The following SYT9 variants were observed in gnomAD, a reference collection of about 807,000 sequenced individuals.
SYT9 encodes synaptotagmin-9.
SYT9 carries 22 observed loss-of-function variants against 48.4 expected under a neutral mutation model. The observed-to-expected ratio is 0.45, with a 90% CI of 0.32 to 0.65. The LOEUF (loss-of-function observed/expected upper bound fraction) is 0.65. Ranked by LOEUF, SYT9 falls within the 30% of genes least tolerant of loss-of-function variation. The probability of loss-of-function intolerance (pLI) is 0.03; values close to 1 mark genes in which losing one functional copy is unlikely to be tolerated. For missense variants in SYT9, 577 were observed against 622.0 expected (o/e 0.93, Z 0.77); for synonymous variants, 265 against 245.0 (o/e 1.08, Z -0.76).
At chr11:7,251,099 G>GACACACACACACACAC (rs369736479), upstream of SYT9, among the ~76,000 whole-genome samples, 706 of 131,978 alleles carry the variant, frequency 5.3e-3, 1 homozygote, top group East Asian at 9.1e-3. Flanking sequence ...GTGGCACAGT[G>GACACACACACACACAC]ACACACACAC....
chr11:7,468,486 A>G lies in SYT9; in HGVS notation c.*1686A>G. 1 of 395,010 alleles carries G rather than the reference A, an allele frequency of 2.5e-6. No homozygotes were observed. Among genetic ancestry groups the G allele is most frequent in the Non-Finnish European group, 4.5e-6 (1 of 224,164 alleles). 24.5% of individuals were successfully genotyped at this position (395,010 alleles called of 1,614,324 possible). A position where few individuals can be genotyped will look rare whatever the true frequency, so the allele number is the denominator to read the frequency against. On this transcript the variant is annotated 3_prime_UTR_variant, in exon 7 of 7. Transcript: ENST00000318881. Reference sequence around the variant, plus strand: ...AGGAAAACTTGGCTTCCTCTGCTCAAGGTTCCCCTCTGCTCATCCCTCCTC... The same window carrying G: ...AGGAAAACTTGGCTTCCTCTGCTCAGGGTTCCCCTCTGCTCATCCCTCCTC...
intron 1 of SYT9, among the ~76,000 whole-genome samples, chr11:7,298,607 A>C (rs142555637): frequency 1.1e-3 from 166 of 151,928 alleles, no homozygotes; most frequent in Middle Eastern, 3.4e-3. Context: ...ATGTGGGCTT[A>C]AATTTTTTAC....
At chr11:7,344,491 A>C (rs1564870154) in intron 3 of SYT9, among the ~76,000 whole-genome samples, 1 of 150,938 alleles carries the variant, frequency 6.6e-6, no homozygotes, top group Admixed American at 6.6e-5. Context: ...TTTATACAGT[A>C]TTTTTTTTTA....
rs779387285 is a variant in SYT9, at chr11:7,418,110, C to T, written c.1319C>T (p.Ala440Val). The T allele has an allele frequency of 9.9e-6, 16 of 1,613,750 alleles. No individual in the cohort carries two copies. The highest frequency in any genetic ancestry group is 1.3e-5 in the Non-Finnish European group (15 of 1,179,930). ...ENIDQIHLSI[A>V]VMDYDRVGHN... is the part of the protein sequence containing the mutation. ...ATTGACCAAATCCACTTGTCCATAG[C>T]AGTCATGGACTATGACCGGTGAGAT... The change falls in exon 5 of 7, where the codon GCA becomes GTA. Residue 440 changes from alanine to valine, a missense_variant. Ala to Val is a moderately conservative substitution (Grantham distance 64). Transcript: ENST00000318881.
chr11:7,267,534 G>A (rs557536168), intron 1 of SYT9, among the ~76,000 whole-genome samples: 104 of 151,622 alleles, frequency 6.9e-4, no homozygotes, highest in African/African-American at 2.4e-3. Flanking sequence ...AATCAGAAAT[G>A]GACACTGAAA....
chr11:7,241,566 AG>A (rs1381150579), intron 1 of SYT9, among the ~76,000 whole-genome samples: 1 of 152,214 alleles, frequency 6.6e-6, no homozygotes, highest in Non-Finnish European at 1.5e-5. Flanking sequence ...ACCAGGAAAA[AG>A]CCAGTTGGAA....
intron 2 of SYT9, among the ~76,000 whole-genome samples, 184 bp from the exon 3 acceptor site, chr11:7,313,211 C>A (rs1849172602): frequency 6.6e-6 from 1 of 152,100 alleles, no homozygotes. Flanking sequence ...GAGCTTCAAG[C>A]CTTACGGAGC....
intron 1 of SYT9, among the ~76,000 whole-genome samples, chr11:7,288,356 G>A (rs1589916478): frequency 6.7e-6 from 1 of 148,572 alleles, no homozygotes; most frequent in Non-Finnish European, 1.5e-5. Flanking sequence ...ATATTTTTAT[G>A]ATAATGTCTC....
rs190528787 is a variant in SYT9, at chr11:7,357,789, A to G, written c.1044+43848A>G. Reference sequence around the variant, plus strand: ...TCCCTTAGAATTTTAGAATCAGGTTATCCAGCTCTATGAAAACCAATGTAA... The same window carrying G: ...TCCCTTAGAATTTTAGAATCAGGTTGTCCAGCTCTATGAAAACCAATGTAA... On this transcript the variant is annotated intron_variant, in intron 3 of 6. Coordinates refer to ENST00000318881, the MANE Select transcript of SYT9 (RefSeq NM_175733.4). Among the ~76,000 whole-genome samples the G allele has an allele frequency of 1.6e-3, 247 of 152,268 alleles. 2 individuals are homozygous for G. Among genetic ancestry groups the G allele is most frequent in the African/African-American group, 5.8e-3 (240 of 41,560 alleles).
chr11:7,386,122 G>C (rs1238098843), intron 3 of SYT9, among the ~76,000 whole-genome samples: 1 of 152,050 alleles, frequency 6.6e-6, no homozygotes, highest in Non-Finnish European at 1.5e-5. Context: ...TTTTAAGGCA[G>C]GTGTGAGGTT....
chr11:7,373,521 G>A (rs934491913), intron 3 of SYT9, among the ~76,000 whole-genome samples: 1 of 152,046 alleles, frequency 6.6e-6, no homozygotes, highest in Non-Finnish European at 1.5e-5. Context: ...CCAAGCATAG[G>A]CTTTGTCTCT....
Position 7,313,641 on chromosome 11 carries a change from C to A in SYT9, c.744C>A (p.Pro248=). ...AGATTCACAAAGCTGTCAATTTGCC[C>A]GCCAAGGACTTTTCTGGGACTTCAG... The part of the protein sequence containing the change: ...IVKIHKAVNL[P]AKDFSGTSDP... Residue 248 remains proline, a synonymous_variant, in exon 3 of 7, where the codon CCC becomes CCA. Coordinates refer to ENST00000318881, the MANE Select transcript of SYT9 (RefSeq NM_175733.4). 3 of 1,614,118 alleles carry A rather than the reference C, an allele frequency of 1.9e-6. No homozygotes were observed. Among genetic ancestry groups the A allele is most frequent in the Non-Finnish European group, 2.5e-6 (3 of 1,180,008 alleles).
intron 6 of SYT9, among the ~76,000 whole-genome samples, chr11:7,452,679 A>G (rs1848076488): frequency 6.6e-6 from 1 of 152,016 alleles, no homozygotes; most frequent in African/African-American, 2.4e-5. Context: ...TAAATTCCAT[A>G]CAAGATAGCA....
At chr11:7,393,951 TTTC>T (rs1324045054) in intron 3 of SYT9, among the ~76,000 whole-genome samples, 1 of 33,558 alleles carries the variant, frequency 3.0e-5, no homozygotes, top group Non-Finnish European at 5.1e-5. Context: ...ACCATTGTCA[TTTC>T]TTTTTCTTTT....
At position 7,367,098 on chromosome 11, in the gene SYT9, T is replaced by TTTTTCC. The variant is rs71056800; in HGVS notation, c.1045-48944_1045-48943insTTTTCC. Among the ~76,000 whole-genome samples, 877 of 112,976 alleles carry TTTTTCC rather than the reference T, an allele frequency of 7.8e-3. 86 individuals carry two copies. The highest frequency in any genetic ancestry group is 0.026 in the African/African-American group (813 of 31,692). 74.1% of individuals were successfully genotyped at this position (112,976 alleles called of 152,430 possible). ...TTTTTTTTTTTTTTTTTTTTTTTTT[T>TTTTTCC]CGAGACGGAGCCTCGCTCTGTCACC... On this transcript the variant is annotated intron_variant, in intron 3 of 6. Transcript: ENST00000318881.
intron 1 of SYT9, among the ~76,000 whole-genome samples, chr11:7,297,772 C>T (rs1848841870): frequency 6.6e-6 from 1 of 152,182 alleles, no homozygotes; most frequent in African/African-American, 2.4e-5. Flanking sequence ...ATGACTTTTT[C>T]AGCCCTCATG....
rs540847599 is a variant in SYT9, at chr11:7,240,668, A to C, written c.49+1752A>C. Among the ~76,000 whole-genome samples, 4 of 152,328 alleles carry C rather than the reference A, an allele frequency of 2.6e-5. No homozygotes were observed. The South Asian group carries it at 8.3e-4, about 32-fold the overall frequency. On this transcript the variant is annotated intron_variant and NMD_transcript_variant, in intron 1 of 8. Transcript: ENST00000524820. ...ATTGCTTTAAACGAACTACTACTTC[A>C]AATAGGACAAATGATATATAATGAG...
intron 3 of SYT9, among the ~76,000 whole-genome samples, chr11:7,354,303 C>T (rs1352217118): frequency 1.3e-5 from 2 of 152,212 alleles, no homozygotes; most frequent in African/African-American, 4.8e-5. Context: ...CACTCACTTG[C>T]TTAGAGCACT....
intron 3 of SYT9, among the ~76,000 whole-genome samples, chr11:7,315,405 G>T (rs1849224879): frequency 6.6e-6 from 1 of 152,206 alleles, no homozygotes; most frequent in Non-Finnish European, 1.5e-5. Context: ...CCCCACTGGG[G>T]TATTTACTAA....
Sources: gnomAD v4.1 joint callset for allele counts (sites outside exome capture counted in the v4.1 genomes callset) on GRCh38, gnomAD v4.1.1 for gene constraint, MANE v1.5 for transcripts, NCBI Gene and HGNC (gene_info 2026-07-23, HGNC 2026-07-21) for gene names.